Variants in USP27X observed in about 807,000 individuals in gnomAD.
USP27X encodes the protein ubiquitin specific peptidase 27 X-linked.
For missense variants in USP27X, 161 were observed against 341.0 expected, an observed-to-expected ratio of 0.47 and a Z score of 4.16; for synonymous variants, 109 against 141.5, an observed-to-expected ratio of 0.77 and a Z score of 1.63.
rs1223780329 is a variant in USP27X at position 49,879,722 on chromosome X, C to T, written c.-586C>T. Among the ~76,000 whole-genome samples the T allele has an allele frequency of 9.0e-6, 1 of 110,727 alleles. No individual in the cohort carries two copies. The highest frequency in any genetic ancestry group is 2.9e-4 in the East Asian group (1 of 3,497). ...GCCGGGCTGAGCTCAAGCTGGAGCC[C>T]GAACCCGAGCCGGTCCGGGAGGCGG... is the stretch of plus-strand genomic sequence containing the variant. On this transcript the variant is annotated 5_prime_UTR_variant, in exon 1 of 1. Coordinates refer to ENST00000621775, the MANE Select transcript of USP27X (RefSeq NM_001145073.3).
Position 49,879,643 on chromosome X carries a change from C to T in USP27X, c.-665C>T, listed in dbSNP as rs2147223971. ...GTGGACGCCACCGAGAAGGTGGAGA[C>T]GGCGGGGAAGGTGGACGCCGCTGGG... On this transcript the variant is annotated 5_prime_UTR_variant, in exon 1 of 1. In the 5' UTR this introduces an upstream ATG that the reference lacks. Coordinates refer to ENST00000621775, the MANE Select transcript of USP27X (RefSeq NM_001145073.3). 9.1e-6 allele frequency among the ~76,000 whole-genome samples: 1 copy of T among 110,063 alleles called. No individual in the cohort carries two copies. The highest frequency in any genetic ancestry group is 2.9e-4 in the East Asian group (1 of 3,441).
rs1278659303 is a variant in USP27X at position 49,880,094 on chromosome X, C to T, written c.-214C>T. On this transcript the variant is annotated 5_prime_UTR_variant, in exon 1 of 1. Coordinates refer to ENST00000621775, the MANE Select transcript of USP27X (RefSeq NM_001145073.3). ...GGAGGCAGGAACTGCGGGTTATCTACCAGTGCTTCGTGTGGTGTGGAACCC... is the reference window on the plus strand; with the variant it reads ...GGAGGCAGGAACTGCGGGTTATCTATCAGTGCTTCGTGTGGTGTGGAACCC... 5.4e-6 allele frequency: 2 copies of T among 372,028 alleles called. No individual in the cohort carries two copies. Among genetic ancestry groups the T allele is most frequent in the Non-Finnish European group, 9.4e-6 (2 of 212,918 alleles). The allele number at this position is 372,028 out of a possible 1,213,427, so 30.7% of individuals were successfully genotyped here. A position where few individuals can be genotyped will look rare whatever the true frequency, so the allele number is the denominator to read the frequency against.
Position 49,880,720 on chromosome X carries a change from C to A in USP27X, c.413C>A (p.Pro138Gln). Residue 138 changes from proline to glutamine, a missense_variant, in exon 1 of 1, where the codon CCG (proline) becomes CAG (glutamine). By Grantham distance (76) the Pro-to-Gln change is moderately conservative. Transcript: ENST00000621775. ...TTTCGGGAGTTGTATTCTGGAAACC[C>A]GTCTCCTCATGTGCCCTATAAGTTA... ...SLFRELYSGNPSPHVPYKLLH... is the reference protein window; with the variant it reads ...SLFRELYSGNQSPHVPYKLLH... 8.6e-7 allele frequency: 1 copy of A among 1,168,179 alleles called. No individual in the cohort carries two copies. The highest frequency in any genetic ancestry group is 1.1e-6 in the Non-Finnish European group (1 of 873,215).
Position 49,880,420 on chromosome X carries a change from G to A in USP27X, c.113G>A (p.Cys38Tyr). 1 of 1,168,251 alleles carries A rather than the reference G, an allele frequency of 8.6e-7. No individual in the cohort carries two copies. Among genetic ancestry groups the A allele is most frequent in the East Asian group, 3.2e-5 (1 of 30,797 alleles). The change falls in exon 1 of 1, where the codon TGT becomes TAT. Residue 38 changes from cysteine to tyrosine, a missense_variant. Cys to Tyr is a radical substitution (Grantham distance 194). Coordinates refer to ENST00000621775, the MANE Select transcript of USP27X (RefSeq NM_001145073.3). ...TCAACAGAGGTTTCTCACCAGCAGTGTTCAGTGCCAGGCCTTGGTGAGAAA... is the reference window on the plus strand; with the variant it reads ...TCAACAGAGGTTTCTCACCAGCAGTATTCAGTGCCAGGCCTTGGTGAGAAA... Reference protein sequence around the residue: ...STSTEVSHQQCSVPGLGEKFP... With the variant: ...STSTEVSHQQYSVPGLGEKFP...
In USP27X at chrX:49,880,823, G is replaced by A. The variant is rs782496156; in HGVS notation, c.516G>A (p.Ala172=). 9.2e-6 allele frequency: 11 copies of A among 1,193,808 alleles called. No homozygotes were observed. The East Asian group carries it at 1.2e-4, about 13-fold the overall frequency. ...ATGCCCACGAGTTCCTCATTGCAGC[G>A]TTAGATGTCCTGCACAGGCACTGCA... ...QQDAHEFLIA[A]LDVLHRHCKG... is the part of the protein sequence containing the mutation. The change falls in exon 1 of 1, where the codon GCG becomes GCA. Residue 172 remains alanine, a synonymous_variant. Coordinates refer to ENST00000621775, the MANE Select transcript of USP27X (RefSeq NM_001145073.3).
rs782354503 is a variant in USP27X at position 49,880,769 on chromosome X, C to T, written c.462C>T (p.Ala154=). The part of the protein sequence containing the change: ...YKLLHLVWIH[A]RHLAGYRQQD... ...TACTGCACCTGGTGTGGATACATGC[C>T]CGCCATTTAGCAGGGTACAGGCAAC... The change falls in exon 1 of 1, where the codon GCC becomes GCT. Residue 154 remains alanine, a synonymous_variant. Transcript: ENST00000621775. 26 of 1,169,528 alleles carry T rather than the reference C, an allele frequency of 2.2e-5. No individual in the cohort carries two copies. The South Asian group carries it at 4.9e-4, about 22-fold the overall frequency.
chrX:49,880,645 G>A lies in USP27X; in HGVS notation c.338G>A (p.Cys113Tyr). The A allele has an allele frequency of 8.6e-7, 1 of 1,168,579 alleles. No individual in the cohort carries two copies. Among genetic ancestry groups the A allele is most frequent in the Non-Finnish European group, 1.1e-6 (1 of 873,344 alleles). ...TTCTTTCTCTCTGACAGGCACCGAT[G>A]TGAGATGCCGAGTCCCGAGTTGTGT... ...RDFFLSDRHRCEMPSPELCLV... is the reference protein window; with the variant it reads ...RDFFLSDRHRYEMPSPELCLV... Residue 113 changes from cysteine (C) to tyrosine (Y), a missense_variant, in exon 1 of 1, where the codon TGT becomes TAT. Coordinates refer to ENST00000621775, the MANE Select transcript of USP27X (RefSeq NM_001145073.3).
In USP27X at chrX:49,880,498, C is replaced by T. The variant is rs1402742445; in HGVS notation, c.191C>T (p.Pro64Leu). 1.7e-6 allele frequency: 2 copies of T among 1,165,929 alleles called. No homozygotes were observed. Among genetic ancestry groups the T allele is most frequent in the South Asian group, 1.9e-5 (1 of 52,528 alleles). ...KPELELLGHN[P>L]RRRRITSSFT... ...GAATTAGAACTGCTGGGGCACAACC[C>T]GAGGAGAAGAAGAATCACCTCCAGC... Residue 64 changes from proline (P) to leucine (L), a missense_variant, in exon 1 of 1, where the codon CCG becomes CTG. Transcript: ENST00000621775.
rs1924397209 is a variant in USP27X, at chrX:49,881,847, C to T, written c.*223C>T. ...AAAGGGAAATTAAATGGTAGAAACA[C>T]TCTGGGTGAGGAAGGCAGGAGCAGG... On this transcript the variant is annotated 3_prime_UTR_variant, in exon 1 of 1. Transcript: ENST00000621775. The T allele has an allele frequency of 6.5e-6, 2 of 308,190 alleles. No individual in the cohort carries two copies. Among genetic ancestry groups the T allele is most frequent in the East Asian group, 1.1e-4 (2 of 18,118 alleles). 25.4% of individuals were successfully genotyped at this position (308,190 alleles called of 1,213,427 possible). A position where few individuals can be genotyped will look rare whatever the true frequency, so the allele number is the denominator to read the frequency against.
rs1924334520 is a variant in USP27X at position 49,879,565 on chromosome X, C to T, written c.-743C>T. Among the ~76,000 whole-genome samples the T allele has an allele frequency of 9.2e-6, 1 of 108,973 alleles. No homozygotes were observed. The highest frequency in any genetic ancestry group is 3.4e-5 in the African/African-American group (1 of 29,825). 94.6% of individuals were successfully genotyped at this position (108,973 alleles called of 115,157 possible). ...GCGGAGAGGAAGGTGGAGGCGGAGG[C>T]GAAGGTGGAGGGGAAGGCGGAGGCG... On this transcript the variant is annotated 5_prime_UTR_variant, in exon 1 of 1. Coordinates refer to ENST00000621775, the MANE Select transcript of USP27X (RefSeq NM_001145073.3).
rs1924347134 is a variant in USP27X, at chrX:49,879,819, G to T, written c.-489G>T. 8.9e-6 allele frequency: 1 copy of T among 112,155 alleles called. No homozygotes were observed. Among genetic ancestry groups the T allele is most frequent in the African/African-American group, 3.3e-5 (1 of 30,762 alleles). The allele number at this position is 112,155 out of a possible 1,213,427, so 9.2% of individuals were successfully genotyped here. Reference sequence around the variant, plus strand: ...CGGCGGTGGCGGCAACAGCGACGAGGTTCCTCCCCCCACCCTTCCCTCCGA... The same window carrying T: ...CGGCGGTGGCGGCAACAGCGACGAGTTTCCTCCCCCCACCCTTCCCTCCGA... On this transcript the variant is annotated 5_prime_UTR_variant, in exon 1 of 1. Coordinates refer to ENST00000621775, the MANE Select transcript of USP27X (RefSeq NM_001145073.3).
At position 49,880,529 on chromosome X, in the gene USP27X, G is replaced by A. The variant is rs782300135; in HGVS notation, c.222G>A (p.Thr74=). The change falls in exon 1 of 1, where the codon ACG becomes ACA. Residue 74 remains threonine, a synonymous_variant. Transcript: ENST00000621775. ...GAAGAAGAATCACCTCCAGCTTTAC[G>A]ATCGGTTTAAGAGGACTCATCAATC... ...PRRRRITSSF[T]IGLRGLINLG... is the part of the protein sequence containing the mutation. 2 of 1,167,597 alleles carry A rather than the reference G, an allele frequency of 1.7e-6. No homozygotes were observed. Among genetic ancestry groups the A allele is most frequent in the African/African-American group, 1.8e-5 (1 of 56,169 alleles).
At position 49,880,951 on chromosome X, in the gene USP27X, C is replaced by G; in HGVS notation, c.644C>G (p.Ala215Gly). ...GGLQSDVTCQACHGVSTTIDP... is the reference protein window; with the variant it reads ...GGLQSDVTCQGCHGVSTTIDP... ...CTGCAGTCTGATGTCACCTGTCAAGCCTGCCATGGCGTCTCCACCACGATA... is the reference window on the plus strand; with the variant it reads ...CTGCAGTCTGATGTCACCTGTCAAGGCTGCCATGGCGTCTCCACCACGATA... Residue 215 changes from alanine to glycine, a missense_variant, in exon 1 of 1, where the codon GCC (alanine) becomes GGC (glycine). Coordinates refer to ENST00000621775, the MANE Select transcript of USP27X (RefSeq NM_001145073.3). The G allele has an allele frequency of 8.3e-7, 1 of 1,207,991 alleles. No homozygotes were observed. Among genetic ancestry groups the G allele is most frequent in the Non-Finnish European group, 1.1e-6 (1 of 893,464 alleles).
In USP27X at chrX:49,879,574, A is replaced by AGGGGAAGGCGGAGGCGGC. The variant is rs1339018393; in HGVS notation, c.-707_-690dup. On this transcript the variant is annotated 5_prime_UTR_variant, in exon 1 of 1. Transcript: ENST00000621775. ...AAGGTGGAGGCGGAGGCGAAGGTGG[A>AGGGGAAGGCGGAGGCGGC]GGGGAAGGCGGAGGCGGCGGGGAAG... Among the ~76,000 whole-genome samples, 1,450 of 108,167 alleles carry AGGGGAAGGCGGAGGCGGC rather than the reference A, an allele frequency of 0.013. 132 individuals carry two copies. Among genetic ancestry groups the AGGGGAAGGCGGAGGCGGC allele is most frequent in the Admixed American group, 0.11 (1,109 of 9,985 alleles). 93.9% of individuals were successfully genotyped at this position (108,167 alleles called of 115,157 possible). A position where few individuals can be genotyped will look rare whatever the true frequency, so the allele number is the denominator to read the frequency against.
In USP27X at chrX:49,880,242, G is replaced by T; in HGVS notation, c.-66G>T. On this transcript the variant is annotated 5_prime_UTR_variant, in exon 1 of 1. Coordinates refer to ENST00000621775, the MANE Select transcript of USP27X (RefSeq NM_001145073.3). ...CTGCTTCACGGAGAAACACATTCAC[G>T]AGCACGCAGAGACGAAACAACACAA... is the stretch of plus-strand genomic sequence containing the variant. The T allele has an allele frequency of 1.1e-6, 1 of 941,541 alleles. No homozygotes were observed. Among genetic ancestry groups the T allele is most frequent in the South Asian group, 2.7e-5 (1 of 37,443 alleles). The allele number at this position is 941,541 out of a possible 1,213,427, so 77.6% of individuals were successfully genotyped here.
In USP27X at chrX:49,879,695, C is replaced by T. The variant is rs1458399973; in HGVS notation, c.-613C>T. Among the ~76,000 whole-genome samples the T allele has an allele frequency of 9.1e-6, 1 of 110,416 alleles. No individual in the cohort carries two copies. The highest frequency in any genetic ancestry group is 1.9e-5 in the Non-Finnish European group (1 of 52,412). The stretch of plus-strand genomic sequence containing the variant: ...AGGTGGAGACGGCGGAGGGTCCGGG[C>T]CGCCGGGCTGAGCTCAAGCTGGAGC... On this transcript the variant is annotated 5_prime_UTR_variant, in exon 1 of 1. Coordinates refer to ENST00000621775, the MANE Select transcript of USP27X (RefSeq NM_001145073.3).
chrX:49,879,964 G>T lies in USP27X; in HGVS notation c.-344G>T, dbSNP rs1601931871. The T allele has an allele frequency of 8.4e-6, 1 of 118,609 alleles. No individual in the cohort carries two copies. 9.8% of individuals were successfully genotyped at this position (118,609 alleles called of 1,213,427 possible). ...CAGCCTAGGCCCCGGCCCCCGCCCCGGCCCCGGCCCCGGCGCGGCCCTGGG... is the reference window on the plus strand; with the variant it reads ...CAGCCTAGGCCCCGGCCCCCGCCCCTGCCCCGGCCCCGGCGCGGCCCTGGG... On this transcript the variant is annotated 5_prime_UTR_variant, in exon 1 of 1. Transcript: ENST00000621775.
chrX:49,881,192 A>G lies in USP27X; in HGVS notation c.885A>G (p.Lys295=), dbSNP rs782692530. 1.7e-6 allele frequency: 2 copies of G among 1,166,644 alleles called. No homozygotes were observed. Among genetic ancestry groups the G allele is most frequent in the South Asian group, 3.8e-5 (2 of 52,547 alleles). Residue 295 remains lysine (K), a synonymous_variant, in exon 1 of 1, where the codon AAA becomes AAG. Coordinates refer to ENST00000621775, the MANE Select transcript of USP27X (RefSeq NM_001145073.3). The stretch of plus-strand genomic sequence containing the variant: ...GCCAAAGCTACCAGGAATCTACCAA[A>G]CAGCTCACAATGAATAAATTACCTG... ...GSCQSYQEST[K]QLTMNKLPVV...
In USP27X at chrX:49,879,946, GGCCCCGGCCCCC is replaced by G. The variant is rs1161774608; in HGVS notation, c.-350_-339del. ...CGGCTCCGTACCCCGCCGCAGCCTAGGCCCCGGCCCCCGCCCCGGCCCCGGCCCCGGCGCGGC... is the reference window on the plus strand; with the variant it reads ...CGGCTCCGTACCCCGCCGCAGCCTAGGCCCCGGCCCCGGCCCCGGCGCGGC... On this transcript the variant is annotated 5_prime_UTR_variant, in exon 1 of 1. Coordinates refer to ENST00000621775, the MANE Select transcript of USP27X (RefSeq NM_001145073.3). 5.0e-4 allele frequency: 57 copies of G among 114,242 alleles called. No homozygotes were observed. Among genetic ancestry groups the G allele is most frequent in the South Asian group, 2.9e-4 (1 of 3,391 alleles). 9.4% of individuals were successfully genotyped at this position (114,242 alleles called of 1,213,427 possible).
Sources: allele counts gnomAD v4.1 joint callset (sites outside exome capture counted in the v4.1 genomes callset), GRCh38; gene constraint gnomAD v4.1.1; transcripts MANE v1.5; gene names NCBI Gene and HGNC (gene_info 2026-07-23, HGNC 2026-07-21).